The following RGS7BP variants were observed in gnomAD, a reference collection of about 807,000 sequenced individuals.
RGS7BP encodes the protein regulator of G protein signaling 7-binding protein.
Under a neutral mutation model 31.3 loss-of-function variants are expected in RGS7BP, and 9 were observed. The ratio of observed to expected loss-of-function variants is 0.29; its 90% CI spans 0.17 to 0.50. The LOEUF is 0.50. Ranked by LOEUF, RGS7BP falls within the 20% of genes least tolerant of loss-of-function variation. RGS7BP has a pLI of 0.98. For missense variants in RGS7BP, 274 were observed against 322.0 expected, an observed-to-expected ratio of 0.85 and a Z score of 1.14; for synonymous variants, 115 against 120.1, an observed-to-expected ratio of 0.96 and a Z score of 0.28.
intron 2 of RGS7BP, 199 bp from the exon 3 acceptor site, chr5:64,575,575 T>A (rs887638189): frequency 3.2e-5 from 32 of 992,776 alleles, no homozygotes; most frequent in Non-Finnish European, 4.0e-5. Context: ...GGGAAAAAAA[T>A]TAAGAACTGT....
At chr5:64,602,742 G>T (rs562107550) in intron 5 of RGS7BP, among the ~76,000 whole-genome samples, 1 of 152,122 alleles carries the variant, frequency 6.6e-6, no homozygotes, top group Non-Finnish European at 1.5e-5. Flanking sequence ...TCGGAAAGAC[G>T]CAGAAATTAG....
chr5:64,507,023 C>T (rs1250848418), intron 1 of RGS7BP, among the ~76,000 whole-genome samples: 5 of 152,082 alleles, frequency 3.3e-5, no homozygotes, highest in Admixed American at 3.3e-4. Context: ...TGGGGATCAG[C>T]GGCTGTAGGT....
At chr5:64,589,541 C>G (rs1742851951) in intron 3 of RGS7BP, among the ~76,000 whole-genome samples, 1 of 151,984 alleles carries the variant, frequency 6.6e-6, no homozygotes, top group Non-Finnish European at 1.5e-5. Flanking sequence ...AATGGAAGGT[C>G]ATTATATAAA....
Position 64,507,750 on chromosome 5 carries a change from G to T in RGS7BP, c.205G>T (p.Glu69Ter). 6.2e-7 allele frequency: 1 copy of T among 1,613,572 alleles called. No individual in the cohort carries two copies. The highest frequency in any genetic ancestry group is 8.5e-7 in the Non-Finnish European group (1 of 1,179,864). ...EFNTQVALYR[E>*]LVISIGDVSV... ...CAACACACAAGTGGCCCTGTACCGA[G>T]AGCTGGTCATTTCTATTGGGGATGT... Residue 69 changes from glutamate to a stop codon, truncating the protein, a stop_gained, in exon 2 of 6, where the codon GAG (glutamate) becomes TAG (stop). Transcript: ENST00000334025. LOFTEE classifies it high-confidence loss of function.
intron 4 of RGS7BP, among the ~76,000 whole-genome samples, chr5:64,595,092 A>T (rs1362584286): frequency 6.6e-6 from 1 of 152,212 alleles, no homozygotes; most frequent in Non-Finnish European, 1.5e-5. Flanking sequence ...CAACACCCAC[A>T]GTAGGCACAG....
At position 64,514,132 on chromosome 5, in the gene RGS7BP, G is replaced by C. The variant is rs139087382; in HGVS notation, c.332+6255G>C. ...AGCATCTCTGCCTTCAGCTTCACAT[G>C]GCCTTTTCCTTGTGTGTGCATCCAT... is the stretch of plus-strand genomic sequence containing the variant. On this transcript the variant is annotated intron_variant, in intron 2 of 5. Coordinates refer to ENST00000334025, the MANE Select transcript of RGS7BP (RefSeq NM_001029875.3). 1.8e-3 allele frequency among the ~76,000 whole-genome samples: 274 copies of C among 152,214 alleles called. 2 individuals are homozygous for C. Among genetic ancestry groups the C allele is most frequent in the African/African-American group, 6.5e-3 (268 of 41,534 alleles).
At chr5:64,511,731 CAAAG>C (rs1022024118) in intron 2 of RGS7BP, among the ~76,000 whole-genome samples, 29 of 152,278 alleles carry the variant, frequency 1.9e-4, no homozygotes, top group Admixed American at 2.6e-4. Context: ...GGCAACTTGA[CAAAG>C]AATACGTGAA....
chr5:64,513,881 G>A (rs1206051356), intron 2 of RGS7BP, among the ~76,000 whole-genome samples: 2 of 152,216 alleles, frequency 1.3e-5, no homozygotes, highest in African/African-American at 4.8e-5. Context: ...GATAACGATG[G>A]AAGAACAATT....
At chr5:64,607,538 T>C (rs1743395246) in intron 5 of RGS7BP, among the ~76,000 whole-genome samples, 1 of 152,058 alleles carries the variant, frequency 6.6e-6, no homozygotes, top group Non-Finnish European at 1.5e-5. Flanking sequence ...TGAGTTATTA[T>C]CTAAAGACCG....
intron 2 of RGS7BP, among the ~76,000 whole-genome samples, chr5:64,574,409 C>A (rs530967271): frequency 2.0e-5 from 3 of 151,966 alleles, no homozygotes; most frequent in East Asian, 3.9e-4. Flanking sequence ...CTGAAAAAAA[C>A]CCCGATATTT....
chr5:64,587,865 T>G (rs1742799672), intron 3 of RGS7BP, among the ~76,000 whole-genome samples: 1 of 152,158 alleles, frequency 6.6e-6, no homozygotes, highest in Admixed American at 6.5e-5. Flanking sequence ...ACACATATTA[T>G]CCAGCCCTTT....
intron 2 of RGS7BP, among the ~76,000 whole-genome samples, chr5:64,548,663 C>T (rs1214779722): frequency 6.6e-6 from 1 of 151,996 alleles, no homozygotes; most frequent in African/African-American, 2.4e-5. Context: ...CCCACCACTA[C>T]ATCTGGCTAA....
intron 2 of RGS7BP, among the ~76,000 whole-genome samples, chr5:64,535,848 T>G (rs985812384): frequency 3.1e-4 from 47 of 152,312 alleles, no homozygotes; most frequent in African/African-American, 1.1e-3. Context: ...CAGCTTAATA[T>G]CAGCTTTGAA....
At chr5:64,555,570 A>G (rs1741904382) in intron 2 of RGS7BP, among the ~76,000 whole-genome samples, 1 of 152,194 alleles carries the variant, frequency 6.6e-6, no homozygotes, top group African/African-American at 2.4e-5. Context: ...AGGAGTATAT[A>G]AAATTAGTAG....
chr5:64,523,581 G>A (rs1749162342), intron 2 of RGS7BP, among the ~76,000 whole-genome samples: 1 of 152,154 alleles, frequency 6.6e-6, no homozygotes, highest in African/African-American at 2.4e-5. Flanking sequence ...TAGTAACTGT[G>A]ACCTTTATCA....
In RGS7BP at chr5:64,538,337, C is replaced by T. The variant is rs547021831; in HGVS notation, c.332+30460C>T. Among the ~76,000 whole-genome samples the T allele has an allele frequency of 4.6e-5, 7 of 152,118 alleles. 1 individual carries two copies. In the South Asian group the frequency reaches 1.5e-3, roughly 32 times the overall value. On this transcript the variant is annotated intron_variant, in intron 2 of 5. Coordinates refer to ENST00000334025, the MANE Select transcript of RGS7BP (RefSeq NM_001029875.3). ...TTCCATCACCCCCAAAACATTCTCT[C>T]ATGTTGCCACTTCATAGTCAATCCC...
At chr5:64,577,660 C>T (rs1231689686) in intron 3 of RGS7BP, among the ~76,000 whole-genome samples, 3 of 152,112 alleles carry the variant, frequency 2.0e-5, no homozygotes, top group South Asian at 4.1e-4. Flanking sequence ...ACTCCTAATG[C>T]CTGATCAGGA....
chr5:64,611,180 A>T lies in RGS7BP; in HGVS notation c.*1928A>T, dbSNP rs1743493192. On this transcript the variant is annotated 3_prime_UTR_variant, in exon 6 of 6. Coordinates refer to ENST00000334025, the MANE Select transcript of RGS7BP (RefSeq NM_001029875.3). ...ATTTCAGCTTAATATCCTTTCCTGA[A>T]TCTAATTCATTTTCACCCACTAAGG... The T allele has an allele frequency of 6.6e-6, 1 of 151,900 alleles. No homozygotes were observed. The highest frequency in any genetic ancestry group is 2.1e-4 in the South Asian group (1 of 4,830). 9.4% of individuals were successfully genotyped at this position (151,900 alleles called of 1,614,324 possible).
intron 2 of RGS7BP, among the ~76,000 whole-genome samples, chr5:64,526,399 T>G (rs758777462): frequency 2.0e-5 from 3 of 152,200 alleles, no homozygotes; most frequent in South Asian, 2.1e-4. Flanking sequence ...GGGTATGAAT[T>G]GAACTGCTGA....
Sources: gnomAD v4.1 joint callset for allele counts (sites outside exome capture counted in the v4.1 genomes callset) on GRCh38, gnomAD v4.1.1 for gene constraint, MANE v1.5 for transcripts, NCBI Gene and HGNC (gene_info 2026-07-23, HGNC 2026-07-21) for gene names.